FMN1: variants seen among roughly 807,000 people sequenced by gnomAD.
The protein encoded by FMN1 is formin 1.
FMN1 carries 110 observed loss-of-function variants against 132.4 expected under a neutral mutation model. The ratio of observed to expected loss-of-function variants is 0.83; its 90% CI spans 0.71 to 0.97. FMN1 has a LOEUF of 0.97. Among genes scored for constraint, FMN1 ranks in the 50% least tolerant of loss-of-function variants. The pLI is 0.00. For missense variants in FMN1, 1,792 were observed against 1,705.3 expected (o/e 1.05, Z -0.90); for synonymous variants, 722 against 651.7 (o/e 1.11, Z -1.64).
intron 12 of FMN1, among the ~76,000 whole-genome samples, chr15:32,906,398 A>G (rs1460228239): frequency 1.3e-5 from 2 of 152,226 alleles, no homozygotes; most frequent in Non-Finnish European, 2.9e-5. Flanking sequence ...TTCATAAGTA[A>G]AATGTCATTG....
chr15:32,997,321 C>CTTTT (rs113292190), intron 7 of FMN1, among the ~76,000 whole-genome samples: 41 of 143,024 alleles, frequency 2.9e-4, no homozygotes, highest in South Asian at 1.1e-3. Flanking sequence ...ATATCACCGT[C>CTTTT]TTTTTTTTTT....
intron 5 of FMN1, among the ~76,000 whole-genome samples, chr15:33,087,552 A>T (rs910556512): frequency 6.6e-6 from 1 of 152,188 alleles, no homozygotes; most frequent in Non-Finnish European, 1.5e-5. Context: ...TCTCAAAAAA[A>T]CAGAACAACA....
chr15:32,933,053 T>C (rs1039092184), intron 9 of FMN1, among the ~76,000 whole-genome samples: 1 of 152,190 alleles, frequency 6.6e-6, no homozygotes, highest in Non-Finnish European at 1.5e-5. Flanking sequence ...CTTCTTTTTC[T>C]AGTTCCATGA....
Position 32,767,827 on chromosome 15 carries a change from T to C in FMN1, c.*6483A>G, listed in dbSNP as rs933484397. 2.0e-5 allele frequency: 3 copies of C among 152,170 alleles called. No homozygotes were observed. The highest frequency in any genetic ancestry group is 1.5e-5 in the Non-Finnish European group (1 of 68,032). The allele number at this position is 152,170 out of a possible 1,614,324, so 9.4% of individuals were successfully genotyped here. On this transcript the variant is annotated 3_prime_UTR_variant, in exon 21 of 21. Transcript: ENST00000616417. The stretch of plus-strand genomic sequence containing the variant: ...GTGTCATTGCGAGCAAACAGAAGAA[T>C]TGATACTAGACTTTCCCTCTCACTC...
At chr15:32,997,632 T>G (rs1483583686) in intron 7 of FMN1, among the ~76,000 whole-genome samples, 1 of 152,238 alleles carries the variant, frequency 6.6e-6, no homozygotes, top group South Asian at 2.1e-4. Context: ...TAGCCAGGAT[T>G]ATAAACATCT....
chr15:32,946,104 T>C (rs1216557605), intron 9 of FMN1, among the ~76,000 whole-genome samples: 1 of 152,176 alleles, frequency 6.6e-6, no homozygotes, highest in Non-Finnish European at 1.5e-5. Flanking sequence ...GATGAAATAT[T>C]ACTGTATTTT....
chr15:32,900,188 A>G (rs575079685), intron 13 of FMN1, 63 bp from the exon 14 acceptor site: 2 of 1,564,028 alleles, frequency 1.3e-6, no homozygotes, highest in African/African-American at 2.7e-5. Flanking sequence ...TTCATTCAGT[A>G]ACAAATATCG....
At chr15:32,961,932 T>C (rs920171056) in intron 9 of FMN1, among the ~76,000 whole-genome samples, 1 of 152,080 alleles carries the variant, frequency 6.6e-6, no homozygotes, top group Non-Finnish European at 1.5e-5. Context: ...TTTTGAGTCC[T>C]TGAGTCACTA....
intron 16 of FMN1, among the ~76,000 whole-genome samples, chr15:32,885,354 T>C (rs1176950019): frequency 1.3e-5 from 2 of 152,220 alleles, no homozygotes; most frequent in Non-Finnish European, 2.9e-5. Context: ...AGGCTTCACA[T>C]TTTGAATGCC....
intron 16 of FMN1, among the ~76,000 whole-genome samples, chr15:32,875,309 C>T (rs760948021): frequency 6.6e-6 from 1 of 152,240 alleles, no homozygotes. Flanking sequence ...TATAATATGC[C>T]ACCTCCTACT....
rs1186137542 is a variant in FMN1, at chr15:33,160,913, T to C, written c.-131-5868A>G. Among the ~76,000 whole-genome samples the C allele has an allele frequency of 3.3e-5, 5 of 152,352 alleles. No homozygotes were observed. The East Asian group carries it at 9.6e-4, about 29-fold the overall frequency. ...GTAGATTACCTCACTCTACCCCAAA[T>C]GGAAATATCTGTTCTGCCTCATCCT... is the stretch of plus-strand genomic sequence containing the variant. On this transcript the variant is annotated intron_variant, in intron 3 of 20. Coordinates refer to ENST00000616417, the MANE Select transcript of FMN1 (RefSeq NM_001277313.2).
chr15:33,015,084 T>C (rs2034960590), intron 6 of FMN1, among the ~76,000 whole-genome samples: 8 of 152,196 alleles, frequency 5.3e-5, no homozygotes, highest in Admixed American at 5.2e-4. Flanking sequence ...AACCACATGC[T>C]AGTTAAGTGC....
At chr15:33,030,047 A>G (rs2035863473) in intron 6 of FMN1, among the ~76,000 whole-genome samples, 1 of 152,140 alleles carries the variant, frequency 6.6e-6, no homozygotes, top group African/African-American at 2.4e-5. Flanking sequence ...AGTCCCAGCT[A>G]CTCGGGAGGC....
chr15:32,936,312 A>C (rs1029066351), intron 9 of FMN1, among the ~76,000 whole-genome samples: 3 of 152,196 alleles, frequency 2.0e-5, no homozygotes, highest in Non-Finnish European at 4.4e-5. Flanking sequence ...GTGAAAAAGA[A>C]GTCACCATTC....
At chr15:33,088,132 C>G (rs141622238) in intron 5 of FMN1, among the ~76,000 whole-genome samples, 114 of 152,038 alleles carry the variant, frequency 7.5e-4, no homozygotes, top group African/African-American at 2.5e-3. Flanking sequence ...GATGGGTGCA[C>G]CAAAATCTCA....
rs1234278000 is a variant in FMN1 at position 33,020,250 on chromosome 15, CAG to C, written c.2162-12177_2162-12176del. Among the ~76,000 whole-genome samples the C allele has an allele frequency of 1.1e-4, 16 of 152,304 alleles. No homozygotes were observed. In the East Asian group the frequency reaches 2.9e-3, roughly 28 times the overall value. On this transcript the variant is annotated intron_variant, in intron 6 of 20. Transcript: ENST00000616417. ...GTATCAAATACTATCGCCAGGTAAA[CAG>C]TGTCACTATTGAATTGGGGAATACC...
chr15:32,979,275 G>A lies in FMN1; in HGVS notation c.2224-9798C>T, dbSNP rs542727820. 7.9e-5 allele frequency among the ~76,000 whole-genome samples: 12 copies of A among 152,152 alleles called. No homozygotes were observed. The South Asian group carries it at 2.1e-3, about 26-fold the overall frequency. On this transcript the variant is annotated intron_variant, in intron 7 of 20. Coordinates refer to ENST00000616417, the MANE Select transcript of FMN1 (RefSeq NM_001277313.2). ...TCCTGTGGAAAATAAGAAACCATTC[G>A]CCCGGCATGGTGGTTCACACCTGTA...
Position 32,968,804 on chromosome 15 carries a change from G to T in FMN1, c.2897C>A (p.Ser966Tyr). 6.2e-7 allele frequency: 1 copy of T among 1,607,224 alleles called. No homozygotes were observed. The highest frequency in any genetic ancestry group is 1.1e-5 in the South Asian group (1 of 90,792). Residue 966 changes from serine (S) to tyrosine (Y), a missense_variant, in exon 8 of 21, where the codon TCT (serine) becomes TAT (tyrosine). This residue lies in a region of FMN1 where 1,150 missense variants were observed against 1,043.1 expected (regional missense o/e 1.10). Transcript: ENST00000616417. ...PPGLFFGLGS[S>Y]SSQCPRKPAI... ...TGGTTTTCGAGGACATTGACTGGAA[G>T]AAGAGCCAAGTCCAAAGAAGAGTCC...
At chr15:32,874,499 G>C (rs2059593527) in intron 16 of FMN1, among the ~76,000 whole-genome samples, 1 of 152,174 alleles carries the variant, frequency 6.6e-6, no homozygotes, top group Non-Finnish European at 1.5e-5. Flanking sequence ...CAGGATCACA[G>C]TCAGGAAGGG....
Sources: gnomAD v4.1 joint callset for allele counts (sites outside exome capture counted in the v4.1 genomes callset) on GRCh38, gnomAD v4.1.1 for gene constraint, gnomAD v4.1.1 regional missense constraint, MANE v1.5 for transcripts, NCBI Gene and HGNC (gene_info 2026-07-23, HGNC 2026-07-21) for gene names.